L3MBTL4: variants seen among roughly 807,000 people sequenced by gnomAD.
The protein encoded by L3MBTL4 is L3MBTL histone methyl-lysine binding protein 4.
A neutral mutation model predicts 84.5 loss-of-function variants in L3MBTL4; 70 were observed. The observed-to-expected ratio is 0.83, with a 90% CI of 0.68 to 1.01. L3MBTL4 has a LOEUF of 1.01. Among genes scored for constraint, L3MBTL4 ranks in the 50% least tolerant of loss-of-function variants. L3MBTL4 has a pLI of 0.00. For missense variants in L3MBTL4, 715 were observed against 754.8 expected (o/e 0.95, Z 0.62); for synonymous variants, 274 against 259.8 (o/e 1.05, Z -0.52).
intron 15 of L3MBTL4, among the ~76,000 whole-genome samples, chr18:6,084,307 C>G (rs1300742560): frequency 6.6e-6 from 1 of 152,286 alleles, no homozygotes; most frequent in East Asian, 1.9e-4. Context: ...GCTTTCACTA[C>G]GATGGCTGAA....
intron 13 of L3MBTL4, among the ~76,000 whole-genome samples, chr18:6,170,145 GCTTTAAACTGAGA>G (rs2043895286): frequency 6.6e-6 from 1 of 152,098 alleles, no homozygotes; most frequent in Non-Finnish European, 1.5e-5. Flanking sequence ...CACTAAGCAA[GCTTTAAACTGAGA>G]TTCAAAGCCC....
At chr18:6,260,467 T>C (rs2048351339) in intron 5 of L3MBTL4, 1 of 152,222 alleles carries the variant, frequency 6.6e-6, no homozygotes, top group African/African-American at 2.4e-5. Context: ...CTTTTAGCCG[T>C]GTTTTGTAGT....
chr18:5,972,146 A>G (rs533254157), intron 16 of L3MBTL4, among the ~76,000 whole-genome samples: 9 of 152,292 alleles, frequency 5.9e-5, no homozygotes, highest in Admixed American at 5.2e-4. Context: ...CAGAGTTTTC[A>G]CTAGGCATAA....
intron 13 of L3MBTL4, among the ~76,000 whole-genome samples, chr18:6,146,016 A>G (rs1446001679): frequency 6.6e-6 from 1 of 152,216 alleles, no homozygotes; most frequent in East Asian, 1.9e-4. Flanking sequence ...AGGAGTGCTG[A>G]TATTTGAGCA....
intron 4 of L3MBTL4, among the ~76,000 whole-genome samples, chr18:6,300,609 C>A (rs773609381): frequency 1.3e-5 from 2 of 152,044 alleles, no homozygotes; most frequent in Non-Finnish European, 2.9e-5. Flanking sequence ...CAGTAAAAAA[C>A]GTTAGTTTGA....
At chr18:6,355,589 AT>A (rs1417620218) in intron 1 of L3MBTL4, among the ~76,000 whole-genome samples, 1 of 152,186 alleles carries the variant, frequency 6.6e-6, no homozygotes, top group Admixed American at 6.5e-5. Flanking sequence ...AGAAACAACT[AT>A]CTGAATACAA....
intron 16 of L3MBTL4, among the ~76,000 whole-genome samples, chr18:6,043,828 T>C (rs1014513804): frequency 3.3e-5 from 5 of 152,192 alleles, no homozygotes; most frequent in Non-Finnish European, 7.3e-5. Flanking sequence ...CAAATACAGA[T>C]CTATGTTTTT....
At chr18:6,219,898 C>T (rs1375406400) in intron 10 of L3MBTL4, among the ~76,000 whole-genome samples, 5 of 151,926 alleles carry the variant, frequency 3.3e-5, no homozygotes, top group African/African-American at 1.2e-4. Context: ...GGAGGAGGCC[C>T]TGTGTGAAAA....
At chr18:6,038,317 A>G (rs1391978782) in intron 16 of L3MBTL4, among the ~76,000 whole-genome samples, 1 of 142,486 alleles carries the variant, frequency 7.0e-6, no homozygotes, top group Admixed American at 7.6e-5. Context: ...GCAGTGATGC[A>G]ATCTCGGCTC....
At position 6,050,749 on chromosome 18, in the gene L3MBTL4, A is replaced by G. The variant is rs150712080; in HGVS notation, c.1444+30132T>C. Reference sequence around the variant, plus strand: ...CTTAGGGAAATAGCATGGGTCTGAAATGAGTTCTGGAGAGAGGGAGACAAA... The same window carrying G: ...CTTAGGGAAATAGCATGGGTCTGAAGTGAGTTCTGGAGAGAGGGAGACAAA... On this transcript the variant is annotated intron_variant, in intron 16 of 18. Transcript: ENST00000317931. 1.7e-3 allele frequency among the ~76,000 whole-genome samples: 258 copies of G among 152,314 alleles called. 2 individuals carry two copies. Among genetic ancestry groups the G allele is most frequent in the African/African-American group, 5.9e-3 (246 of 41,566 alleles).
In L3MBTL4 at chr18:5,994,350, G is replaced by C. The variant is rs114885503; in HGVS notation, c.1445-24788C>G. Among the ~76,000 whole-genome samples the C allele has an allele frequency of 1.9e-3, 295 of 152,258 alleles. 3 individuals carry two copies. Among genetic ancestry groups the C allele is most frequent in the African/African-American group, 7.0e-3 (290 of 41,556 alleles). On this transcript the variant is annotated intron_variant, in intron 16 of 18. Coordinates refer to ENST00000317931, the MANE Select transcript of L3MBTL4 (RefSeq NM_001330559.2). ...TGGTTTAATGCTTAGCACAAAGCAG[G>C]TGCTCAAAAAAGACCTTCTTTGATA...
chr18:6,094,247 C>T (rs1385198731), intron 14 of L3MBTL4, among the ~76,000 whole-genome samples: 1 of 152,192 alleles, frequency 6.6e-6, no homozygotes, highest in Non-Finnish European at 1.5e-5. Context: ...TCCCTGTGCC[C>T]ACGTCCCTGT....
At chr18:6,262,430 C>T (rs2048447214) in intron 5 of L3MBTL4, among the ~76,000 whole-genome samples, 1 of 152,218 alleles carries the variant, frequency 6.6e-6, no homozygotes, top group South Asian at 2.1e-4. Flanking sequence ...CCTTACTGAG[C>T]TTGCACCTTT....
At chr18:6,003,673 G>T (rs1286439082) in intron 16 of L3MBTL4, among the ~76,000 whole-genome samples, 1 of 152,022 alleles carries the variant, frequency 6.6e-6, no homozygotes, top group East Asian at 1.9e-4. Context: ...TCAATAGATT[G>T]AAAAAGATGG....
intron 4 of L3MBTL4, among the ~76,000 whole-genome samples, chr18:6,276,495 A>G (rs1473963298): frequency 6.6e-6 from 1 of 152,174 alleles, no homozygotes; most frequent in African/African-American, 2.4e-5. Flanking sequence ...GGAAAATCCA[A>G]TTGCAAACAT....
chr18:6,032,284 A>T (rs1598491469), intron 16 of L3MBTL4: 8 of 29,140 alleles, frequency 2.7e-4, no homozygotes, highest in South Asian at 8.5e-4. Context: ...GCCTTAAATT[A>T]AAAAAAAAAA....
intron 13 of L3MBTL4, among the ~76,000 whole-genome samples, chr18:6,154,158 C>G (rs2043005613): frequency 6.6e-6 from 1 of 152,116 alleles, no homozygotes; most frequent in African/African-American, 2.4e-5. Context: ...TCTGGATGAT[C>G]TATCCACTGT....
intron 14 of L3MBTL4, among the ~76,000 whole-genome samples, chr18:6,120,983 G>A (rs1307131456): frequency 6.6e-6 from 1 of 152,050 alleles, no homozygotes; most frequent in Non-Finnish European, 1.5e-5. Flanking sequence ...ATATGACTAG[G>A]AATAGGATTG....
At chr18:6,029,767 A>C in intron 16 of L3MBTL4, 1 of 985,368 alleles carries the variant, frequency 1.0e-6, no homozygotes, top group Non-Finnish European at 1.2e-6. Flanking sequence ...AATGGAAAAA[A>C]GTTGTACCAG....
Sources: allele counts gnomAD v4.1 joint callset (sites outside exome capture counted in the v4.1 genomes callset), GRCh38; gene constraint gnomAD v4.1.1; transcripts MANE v1.5; gene names NCBI Gene and HGNC (gene_info 2026-07-23, HGNC 2026-07-21).